Variants in NIN observed in about 807,000 individuals in gnomAD.
NIN encodes the protein ninein.
Under a neutral mutation model 257.6 loss-of-function variants are expected in NIN, and 137 were observed. That is an observed-to-expected ratio of 0.53 (90% CI 0.46 to 0.61). The LOEUF is 0.61. NIN is among the 20% of genes least tolerant of loss of function. The pLI is 0.00. For missense variants in NIN, 2,439 were observed against 2,501.2 expected (o/e 0.98, Z 0.53); for synonymous variants, 918 against 919.8 (o/e 1.00, Z 0.04).
rs371997962 is a variant in NIN at position 50,747,981 on chromosome 14, C to T, written c.5064+11G>A. On this transcript the variant is annotated intron_variant, in intron 22 of 30. Coordinates refer to ENST00000530997, the MANE Select transcript of NIN (RefSeq NM_020921.4). ...GTTCTGTGAACCCCCCTTAGCTGCA[C>T]ACAGCCTTACCTGTTTCATTTTCTC... 130 of 1,580,678 alleles carry T rather than the reference C, an allele frequency of 8.2e-5. No individual in the cohort carries two copies. The highest frequency in any genetic ancestry group is 1.1e-4 in the Non-Finnish European group (130 of 1,149,720).
rs1347137958 is a variant in NIN, at chr14:50,754,965, C to T, written c.4539-98G>A. ...CTTCCAAAAGGATGAGTATTCAATGCCAGTTAAAAAGAAAAGTCTAAATTA... is the reference window on the plus strand; with the variant it reads ...CTTCCAAAAGGATGAGTATTCAATGTCAGTTAAAAAGAAAAGTCTAAATTA... On this transcript the variant is annotated intron_variant, in intron 18 of 30. Transcript: ENST00000530997. 10 of 759,262 alleles carry T rather than the reference C, an allele frequency of 1.3e-5. No individual in the cohort carries two copies. In the African/African-American group the frequency reaches 1.4e-4, roughly 11 times the overall value. 47.0% of individuals were successfully genotyped at this position (759,262 alleles called of 1,614,324 possible). A position where few individuals can be genotyped will look rare whatever the true frequency, so the allele number is the denominator to read the frequency against.
chr14:50,744,046 T>C (rs945744807), intron 23 of NIN, among the ~76,000 whole-genome samples, 197 bp downstream of exon 23: 2 of 152,220 alleles, frequency 1.3e-5, no homozygotes, highest in African/African-American at 4.8e-5. Context: ...ATAATATAAT[T>C]AGTAAACAAC....
Position 50,739,464 on chromosome 14 carries a change from A to G in NIN, c.5472T>C (p.Thr1824=). Residue 1824 remains threonine, a synonymous_variant, in exon 26 of 31, where the codon ACT becomes ACC. Coordinates refer to ENST00000530997, the MANE Select transcript of NIN (RefSeq NM_020921.4). The part of the protein sequence containing the change: ...GGKSWAPEIA[T]HPSGLHNQQK... ...GCTGGTTATGGAGCCCTGATGGATG[A>G]GTAGCTATCTCTGGGGCCCAGCTCT... 6.2e-7 allele frequency: 1 copy of G among 1,614,160 alleles called. No individual in the cohort carries two copies. The highest frequency in any genetic ancestry group is 8.5e-7 in the Non-Finnish European group (1 of 1,180,016).
At chr14:50,734,264 G>A (rs1431707109) in intron 28 of NIN, among the ~76,000 whole-genome samples, 1 of 151,546 alleles carries the variant, frequency 6.6e-6, no homozygotes, top group Non-Finnish European at 1.5e-5. Context: ...TAATTTTTTT[G>A]TATTTTTAGT....
intron 6 of NIN, 104 bp downstream of exon 6, chr14:50,778,655 CTTAATG>C: frequency 1.1e-6 from 1 of 926,150 alleles, no homozygotes; most frequent in Non-Finnish European, 1.8e-6. Context: ...TGCTGTTGTT[CTTAATG>C]TTAATTCCCC....
chr14:50,787,776 G>A (rs1265674350), intron 5 of NIN, among the ~76,000 whole-genome samples: 1 of 152,206 alleles, frequency 6.6e-6, no homozygotes, highest in African/African-American at 2.4e-5. Context: ...AGCACATTCT[G>A]CTTCGGGATT....
intron 22 of NIN, 97 bp downstream of exon 22, chr14:50,747,895 G>A (rs1479291901): frequency 7.3e-6 from 6 of 827,326 alleles, no homozygotes; most frequent in Non-Finnish European, 6.1e-6. Context: ...ACAGAACTTG[G>A]TACAAAGGAC....
chr14:50,805,415 C>A (rs1156229997), intron 4 of NIN, among the ~76,000 whole-genome samples: 1 of 152,196 alleles, frequency 6.6e-6, no homozygotes, highest in African/African-American at 2.4e-5. Context: ...TCACTGGGGG[C>A]TTCCAAAGAG....
chr14:50,743,533 T>C lies in NIN; in HGVS notation c.5188-4A>G, dbSNP rs1566793661. 1 of 1,601,178 alleles carries C rather than the reference T, an allele frequency of 6.2e-7. No individual in the cohort carries two copies. Among genetic ancestry groups the C allele is most frequent in the Non-Finnish European group, 8.6e-7 (1 of 1,168,412 alleles). ...CTAAAAGACTTGATTTTGCCAACTG[T>C]TTCAGGAAGGGAAAAAGAGGTAAGA... On this transcript the variant is annotated splice_region_variant and splice_polypyrimidine_tract_variant and intron_variant, in intron 23 of 30. Coordinates refer to ENST00000530997, the MANE Select transcript of NIN (RefSeq NM_020921.4).
intron 28 of NIN, among the ~76,000 whole-genome samples, chr14:50,733,065 AT>A (rs1203602356): frequency 2.6e-5 from 4 of 151,284 alleles, no homozygotes; most frequent in East Asian, 1.9e-4. Context: ...CTCAAAAAAA[AT>A]ATCCAATTTG....
intron 24 of NIN, 144 bp from the exon 25 acceptor site, chr14:50,741,872 TGGAAACCTA>T: frequency 1.3e-6 from 1 of 795,142 alleles, no homozygotes; most frequent in South Asian, 1.9e-5. Context: ...AGTAGCTCAG[TGGAAACCTA>T]GGACAGTAGG....
intron 4 of NIN, among the ~76,000 whole-genome samples, chr14:50,803,611 A>T (rs2044191239): frequency 6.6e-6 from 1 of 152,184 alleles, no homozygotes; most frequent in Non-Finnish European, 1.5e-5. Flanking sequence ...TCCCTTGGTG[A>T]TACAGTGTAA....
At position 50,724,110 on chromosome 14, in the gene NIN, A is replaced by G. The variant is rs143146171; in HGVS notation, c.6193-438T>C. 4.1e-3 allele frequency: 788 copies of G among 191,534 alleles called. 7 individuals carry two copies. Among genetic ancestry groups the G allele is most frequent in the South Asian group, 0.015 (85 of 5,814 alleles). The allele number at this position is 191,534 out of a possible 1,614,324, so 11.9% of individuals were successfully genotyped here. The stretch of plus-strand genomic sequence containing the variant: ...CAACCCACTGATTATTTTAAAATTT[A>G]GCTCATGTATTATAACAGAGATAAG... On this transcript the variant is annotated intron_variant, in intron 30 of 30. Coordinates refer to ENST00000530997, the MANE Select transcript of NIN (RefSeq NM_020921.4).
At chr14:50,787,018 A>T (rs1435359997) in intron 5 of NIN, among the ~76,000 whole-genome samples, 1 of 152,332 alleles carries the variant, frequency 6.6e-6, no homozygotes, top group East Asian at 1.9e-4. Flanking sequence ...CTACCCTCAT[A>T]GTCCCAACAC....
rs1385569690 is a variant in NIN at position 50,732,626 on chromosome 14, A to T, written c.5877+2890T>A. ...TTAGGTATATATTTATCACAGGTTA[A>T]AAATTAATATACTAAAAACCATTGA... On this transcript the variant is annotated intron_variant, in intron 28 of 30. Transcript: ENST00000530997. 3.3e-5 allele frequency among the ~76,000 whole-genome samples: 5 copies of T among 152,250 alleles called. No individual in the cohort carries two copies. The South Asian group carries it at 6.2e-4, about 19-fold the overall frequency.
chr14:50,724,820 C>G (rs1362489324), intron 30 of NIN, among the ~76,000 whole-genome samples: 1 of 152,176 alleles, frequency 6.6e-6, no homozygotes, highest in Non-Finnish European at 1.5e-5. Flanking sequence ...AATCTTAACT[C>G]TCAAGATGCA....
At chr14:50,824,258 C>A (rs2045361959) in intron 2 of NIN, among the ~76,000 whole-genome samples, 1 of 152,170 alleles carries the variant, frequency 6.6e-6, no homozygotes, top group Non-Finnish European at 1.5e-5. Flanking sequence ...TACTGAGAAG[C>A]CCTGATCTTA....
intron 5 of NIN, chr14:50,792,292 T>C (rs1436701596): frequency 6.1e-6 from 1 of 165,282 alleles, no homozygotes; most frequent in African/African-American, 2.4e-5. Flanking sequence ...GCTTTCAAAA[T>C]GCCTGAACGC....
chr14:50,771,018 A>G, intron 10 of NIN, 26 bp from the exon 11 acceptor site: 1 of 1,606,714 alleles, frequency 6.2e-7, no homozygotes, highest in Non-Finnish European at 8.5e-7. Context: ...CACTGAGTTA[A>G]TGGGAAACTG....
Sources: allele counts gnomAD v4.1 joint callset (sites outside exome capture counted in the v4.1 genomes callset), GRCh38; gene constraint gnomAD v4.1.1; transcripts MANE v1.5; gene names NCBI Gene and HGNC (gene_info 2026-07-23, HGNC 2026-07-21).